The following AREL1 variants were observed in gnomAD, a reference collection of about 807,000 sequenced individuals.
AREL1 encodes apoptosis resistant E3 ubiquitin protein ligase 1.
In AREL1, 62 loss-of-function variants were observed where a neutral mutation model predicts 99.0. The ratio of observed to expected loss-of-function variants is 0.63; its 90% CI spans 0.51 to 0.77. The LOEUF (loss-of-function observed/expected upper bound fraction) is 0.77, where lower values mean the gene tolerates loss of function less well. AREL1 is among the 30% of genes least tolerant of loss of function. AREL1 has a pLI of 0.00. For missense variants in AREL1, 879 were observed against 1,027.6 expected (o/e 0.86, Z 1.98); for synonymous variants, 380 against 376.5 (o/e 1.01, Z -0.11).
rs907854293 is a variant in AREL1 at position 74,671,446 on chromosome 14, C to G, written c.1460G>C (p.Trp487Ser). ...KATRNFSISD[W>S]SKNFEVVFQD... ...GAAAACAACCTCAAAGTTCTTGCTC[C>G]AATCTGAGATGGAGAAATTCCGAGT... is the stretch of plus-strand genomic sequence containing the variant. The change falls in exon 12 of 20, where the codon TGG (tryptophan) becomes TCG (serine). Residue 487 changes from tryptophan (W) to serine (S), a missense_variant. Transcript: ENST00000356357. 2.5e-6 allele frequency: 4 copies of G among 1,586,288 alleles called. No homozygotes were observed. Among genetic ancestry groups the G allele is most frequent in the Non-Finnish European group, 3.4e-6 (4 of 1,168,286 alleles).
In AREL1 at chr14:74,662,331, G is replaced by A. The variant is rs2089103270; in HGVS notation, c.*1389C>T. 2.8e-6 allele frequency: 1 copy of A among 361,986 alleles called. No homozygotes were observed. The allele number at this position is 361,986 out of a possible 1,614,324, so 22.4% of individuals were successfully genotyped here. A position where few individuals can be genotyped will look rare whatever the true frequency, so the allele number is the denominator to read the frequency against. On this transcript the variant is annotated 3_prime_UTR_variant, in exon 20 of 20. Coordinates refer to ENST00000356357, the MANE Select transcript of AREL1 (RefSeq NM_001039479.2). ...TGTTTCAGGACTCTGTGTACTTGCT[G>A]GTTTTGGCAATAAAGATGGCTTGTA...
chr14:74,697,175 C>G (rs776919174), intron 1 of AREL1, among the ~76,000 whole-genome samples: 3 of 150,912 alleles, frequency 2.0e-5, no homozygotes, highest in Admixed American at 2.0e-4. Flanking sequence ...CACACACACA[C>G]AGCCATGAAA....
At chr14:74,673,721 C>A (rs2089408878) in intron 9 of AREL1, among the ~76,000 whole-genome samples, 1 of 152,202 alleles carries the variant, frequency 6.6e-6, no homozygotes, top group Admixed American at 6.5e-5. Context: ...AGCTTCAGCA[C>A]ACTGGGAGAC....
In AREL1 at chr14:74,713,063, G is replaced by A; in HGVS notation, c.-464C>T. 1 of 1,554,816 alleles carries A rather than the reference G, an allele frequency of 6.4e-7. No homozygotes were observed. The highest frequency in any genetic ancestry group is 8.9e-7 in the Non-Finnish European group (1 of 1,126,772). On this transcript the variant is annotated 5_prime_UTR_variant, in exon 1 of 20. Coordinates refer to ENST00000356357, the MANE Select transcript of AREL1 (RefSeq NM_001039479.2). ...CAGAGTTGGTCTCCACCCGGCCTGG[G>A]AACCGGCTCGGGGGATTGCCCTTTC...
chr14:74,691,741 A>G (rs2089886583), intron 2 of AREL1, among the ~76,000 whole-genome samples: 1 of 152,262 alleles, frequency 6.6e-6, no homozygotes, highest in South Asian at 2.1e-4. Context: ...AGGGACTGTT[A>G]GAAAGTTGAT....
At chr14:74,673,311 T>TA (rs1566682892) in intron 9 of AREL1, 93 bp from the exon 10 acceptor site, 1 of 1,302,572 alleles carries the variant, frequency 7.7e-7, no homozygotes, top group Non-Finnish European at 1.1e-6. Flanking sequence ...CCAACAACAA[T>TA]AAGTTAGGCT....
intron 3 of AREL1, among the ~76,000 whole-genome samples, chr14:74,685,037 C>A (rs755018830): frequency 6.6e-6 from 1 of 152,164 alleles, no homozygotes; most frequent in Admixed American, 6.5e-5. Context: ...TACTCTCTGG[C>A]CTTTTATAGA....
chr14:74,695,850 T>C (rs1257232926), intron 1 of AREL1, among the ~76,000 whole-genome samples: 1 of 152,210 alleles, frequency 6.6e-6, no homozygotes, highest in Non-Finnish European at 1.5e-5. Flanking sequence ...GTCCTATGTA[T>C]GCTGAAGTTT....
At chr14:74,688,159 G>C (rs1469665935) in intron 2 of AREL1, among the ~76,000 whole-genome samples, 1 of 151,218 alleles carries the variant, frequency 6.6e-6, no homozygotes, top group Non-Finnish European at 1.5e-5. Flanking sequence ...CCGAGTAGCT[G>C]GCATTACAGG....
chr14:74,664,954 G>A (rs752749369), intron 17 of AREL1, 29 bp from the exon 18 acceptor site: 4 of 1,588,394 alleles, frequency 2.5e-6, no homozygotes. Flanking sequence ...GTGTTACTAT[G>A]ACAGTCAGAG....
At chr14:74,670,150 G>A (rs763622846) in intron 13 of AREL1, 24 bp from the exon 14 acceptor site, 1 of 1,554,146 alleles carries the variant, frequency 6.4e-7, no homozygotes, top group South Asian at 1.2e-5. Flanking sequence ...AGACTGAAAG[G>A]CCCTGGGCCA....
At position 74,685,667 on chromosome 14, in the gene AREL1, A is replaced by G; in HGVS notation, c.-45-7T>C. ...CCGAGGATCACAGCTGCAGCTGTTAAAAGAAAACTTGTTTAGTTTTTGTCT... is the reference window on the plus strand; with the variant it reads ...CCGAGGATCACAGCTGCAGCTGTTAGAAGAAAACTTGTTTAGTTTTTGTCT... On this transcript the variant is annotated splice_polypyrimidine_tract_variant and splice_region_variant and intron_variant, in intron 2 of 19. Coordinates refer to ENST00000356357, the MANE Select transcript of AREL1 (RefSeq NM_001039479.2). 6.2e-7 allele frequency: 1 copy of G among 1,612,716 alleles called. No individual in the cohort carries two copies. Among genetic ancestry groups the G allele is most frequent in the Non-Finnish European group, 8.5e-7 (1 of 1,179,268 alleles).
intron 4 of AREL1, 52 bp downstream of exon 4, chr14:74,684,402 A>G (rs1343119033): frequency 2.1e-5 from 32 of 1,556,614 alleles, no homozygotes; most frequent in Non-Finnish European, 2.6e-5. Context: ...GGCTCTGGAA[A>G]GCAAGTTACT....
At chr14:74,696,864 T>G (rs2139961352) in intron 1 of AREL1, among the ~76,000 whole-genome samples, 1 of 152,298 alleles carries the variant, frequency 6.6e-6, no homozygotes, top group South Asian at 2.1e-4. Flanking sequence ...CTCAGGAGAC[T>G]GAGGCAGGAG....
chr14:74,674,167 G>T, intron 8 of AREL1, 56 bp from the exon 9 acceptor site: 2 of 1,423,342 alleles, frequency 1.4e-6, no homozygotes, highest in Non-Finnish European at 2.0e-6. Flanking sequence ...GGCTCTATTT[G>T]GGTATTCTAA....
intron 9 of AREL1, 49 bp downstream of exon 9, chr14:74,673,985 C>A (rs2089415723): frequency 6.7e-7 from 1 of 1,488,152 alleles, no homozygotes; most frequent in Non-Finnish European, 9.4e-7. Flanking sequence ...CTGAGATAGT[C>A]CAGAGATGAA....
chr14:74,712,185 T>C (rs2090325013), intron 1 of AREL1: 3 of 151,394 alleles, frequency 2.0e-5, no homozygotes, highest in African/African-American at 2.4e-5. Flanking sequence ...TTTCCCCATA[T>C]GTAAAATAAA....
chr14:74,666,864 C>T (rs564101423), intron 17 of AREL1, among the ~76,000 whole-genome samples: 1 of 151,950 alleles, frequency 6.6e-6, no homozygotes. Flanking sequence ...GGATTACAAG[C>T]GTGCATCACC....
Position 74,663,363 on chromosome 14 carries a change from T to C in AREL1, c.*357A>G, listed in dbSNP as rs1307138976. ...CAGCAGAGGGAGTTTTGGAGCACAG[T>C]GTGGATTTAAGGGTCTCCACACCAG... On this transcript the variant is annotated 3_prime_UTR_variant, in exon 20 of 20. Coordinates refer to ENST00000356357, the MANE Select transcript of AREL1 (RefSeq NM_001039479.2). The C allele has an allele frequency of 6.4e-6, 2 of 310,954 alleles. No individual in the cohort carries two copies. Among genetic ancestry groups the C allele is most frequent in the African/African-American group, 2.1e-5 (1 of 46,754 alleles). The allele number at this position is 310,954 out of a possible 1,614,324, so 19.3% of individuals were successfully genotyped here. A position where few individuals can be genotyped will look rare whatever the true frequency, so the allele number is the denominator to read the frequency against.
Sources: gnomAD v4.1 joint callset for allele counts (sites outside exome capture counted in the v4.1 genomes callset) on GRCh38, gnomAD v4.1.1 for gene constraint, MANE v1.5 for transcripts, NCBI Gene and HGNC (gene_info 2026-07-23, HGNC 2026-07-21) for gene names.